The following DOK7 variants were observed in gnomAD, a reference collection of about 807,000 sequenced individuals.
The protein encoded by DOK7 is protein Dok-7.
In DOK7, 32 loss-of-function variants were observed where a neutral mutation model predicts 30.7. That is an observed-to-expected ratio of 1.04 (90% CI 0.79 to 1.40). The LOEUF (loss-of-function observed/expected upper bound fraction) is 1.40, where lower values mean the gene tolerates loss of function less well. Ranked by LOEUF, DOK7 falls within the 40% of genes most tolerant of loss-of-function variation. The probability of loss-of-function intolerance (pLI) is 0.00; values close to 1 mark genes in which losing one functional copy is unlikely to be tolerated. For missense variants in DOK7, 1,007 were observed against 699.2 expected, an observed-to-expected ratio of 1.44 and a Z score of -4.97; for synonymous variants, 447 against 324.1, an observed-to-expected ratio of 1.38 and a Z score of -4.07.
intron 2 of DOK7, among the ~76,000 whole-genome samples, chr4:3,466,835 G>T (rs1726315333): frequency 1.3e-5 from 2 of 152,202 alleles, no homozygotes; most frequent in Non-Finnish European, 1.5e-5. Context: ...GTGGTCTGGG[G>T]GGCCCACCTG....
downstream of DOK7, chr4:3,494,620 C>T (rs1376907107): frequency 2.5e-6 from 2 of 794,616 alleles, no homozygotes; most frequent in Non-Finnish European, 1.5e-6. Flanking sequence ...CCTCATCTGT[C>T]TTGTGAGCCT....
chr4:3,497,676 G>C (rs931857039), downstream of DOK7, among the ~76,000 whole-genome samples: 2 of 152,022 alleles, frequency 1.3e-5, no homozygotes, highest in Non-Finnish European at 2.9e-5. Flanking sequence ...CGGGGTCCAG[G>C]CAGGCCTGGA....
At chr4:3,489,623 G>T in intron 5 of DOK7, 54 bp from the exon 6 acceptor site, 2 of 1,554,256 alleles carry the variant, frequency 1.3e-6, no homozygotes, top group East Asian at 2.4e-5. Flanking sequence ...GTGCCTGCGG[G>T]CGAGGGTGGG....
At chr4:3,475,273 A>G (rs1307434464) in intron 3 of DOK7, among the ~76,000 whole-genome samples, 1 of 152,256 alleles carries the variant, frequency 6.6e-6, no homozygotes, top group Non-Finnish European at 1.5e-5. Flanking sequence ...GCGCAGGGCC[A>G]TGGCACAGAG....
rs1274769066 is a variant in DOK7, at chr4:3,500,299, G to A, written c.1157G>A (p.Arg386His). 2.0e-5 allele frequency: 30 copies of A among 1,535,818 alleles called. 1 individual carries two copies. The highest frequency in any genetic ancestry group is 2.6e-5 in the Non-Finnish European group (30 of 1,146,810). ...GACAGCCCAGGACCAGAGAGGCCGC[G>A]CGGCGAGTCGCCCACTTACGTGAAC... The change falls in exon 7 of 8, where the codon CGC becomes CAC. Residue 386 changes from arginine to histidine, a missense_variant. Coordinates refer to the DOK7 transcript ENST00000643608.
downstream of DOK7, chr4:3,496,796 T>G (rs1299428341): frequency 1.3e-6 from 2 of 1,535,784 alleles, no homozygotes; most frequent in Non-Finnish European, 8.7e-7. Context: ...AAGGATGCAC[T>G]GACCCAGGTT....
chr4:3,494,261 C>T lies in DOK7; in HGVS notation c.*760C>T, dbSNP rs1327663848. The T allele has an allele frequency of 3.0e-6, 3 of 985,420 alleles. No homozygotes were observed. The highest frequency in any genetic ancestry group is 1.7e-5 in the African/African-American group (1 of 57,266). 61.0% of individuals were successfully genotyped at this position (985,420 alleles called of 1,614,324 possible). ...CTCGCAGGGCCAAAGGCTGGCTTGGCCTGTGTTTCCCCTGGCCCAGGCCTC... is the reference window on the plus strand; with the variant it reads ...CTCGCAGGGCCAAAGGCTGGCTTGGTCTGTGTTTCCCCTGGCCCAGGCCTC... On this transcript the variant is annotated 3_prime_UTR_variant, in exon 7 of 7. Coordinates refer to ENST00000340083, the MANE Select transcript of DOK7 (RefSeq NM_173660.5).
At chr4:3,488,105 G>T (rs1051528513) in intron 5 of DOK7, among the ~76,000 whole-genome samples, 2 of 152,270 alleles carry the variant, frequency 1.3e-5, no homozygotes, top group African/African-American at 2.4e-5. Flanking sequence ...CACAGGCAGG[G>T]AGGGGACAGG....
At chr4:3,496,825 G>A (rs926338496), downstream of DOK7, 103 of 1,535,862 alleles carry the variant, frequency 6.7e-5, no homozygotes, top group African/African-American at 9.6e-5. Flanking sequence ...TCTAGGGAGC[G>A]GCAGCCTCAG....
At chr4:3,491,182 TTCCCCCCTGCTCATTCC>T (rs1461065569) in intron 6 of DOK7, among the ~76,000 whole-genome samples, 10 of 24,050 alleles carry the variant, frequency 4.2e-4, no homozygotes, top group African/African-American at 1.4e-3. Flanking sequence ...CATTCATTCC[TTCCCCCCTGCTCATTCC>T]TTCCCCCCTG....
downstream of DOK7, among the ~76,000 whole-genome samples, chr4:3,496,047 T>G (rs910797551): frequency 4.8e-4 from 73 of 152,314 alleles, no homozygotes; most frequent in Non-Finnish European, 3.4e-4. Flanking sequence ...GTGCTGCGCC[T>G]TCTTTCTAGC....
At chr4:3,463,450 C>CGGGGGGGGGGGGGCGGGGGGGGGG in intron 1 of DOK7, 21 bp downstream of exon 1, 1 of 1,229,784 alleles carries the variant, frequency 8.1e-7, no homozygotes, top group Non-Finnish European at 1.0e-6. Context: ...GTCGGGGGCG[C>CGGGGGGGGGGGGGCGGGGGGGGGG]GGGGGGGGGG....
chr4:3,476,569 G>A (rs757138356), intron 4 of DOK7, 27 bp downstream of exon 4: 3 of 1,612,762 alleles, frequency 1.9e-6, no homozygotes, highest in Admixed American at 3.3e-5. Flanking sequence ...GGGGTCACTG[G>A]GCAGCAGCAG....
exon 8 of DOK7, chr4:3,500,969 T>C (rs931610757): frequency 4.5e-6 from 6 of 1,321,094 alleles, no homozygotes; most frequent in African/African-American, 1.5e-5. Context: ...CTCCGGGCCA[T>C]GGTGCAAACA....
In DOK7 at chr4:3,493,289, G is replaced by A. The variant is rs761758084; in HGVS notation, c.1303G>A (p.Gly435Ser). The A allele has an allele frequency of 3.7e-6, 6 of 1,609,102 alleles. No individual in the cohort carries two copies. The highest frequency in any genetic ancestry group is 5.1e-6 in the Non-Finnish European group (6 of 1,178,292). ...CGGCAACAGTGCGGCCAGGGACTCA[G>A]GCGGCCAGACGTCCGCCGGGTGTCC... ...SPGNSAARDS[G>S]GQTSAGCPSG... is the part of the protein sequence containing the mutation. Residue 435 changes from glycine (G) to serine (S), a missense_variant, in exon 7 of 7, where the codon GGC becomes AGC. Coordinates refer to ENST00000340083, the MANE Select transcript of DOK7 (RefSeq NM_173660.5).
downstream of DOK7, chr4:3,496,813 G>A (rs1013227530): frequency 1.2e-4 from 188 of 1,535,970 alleles, no homozygotes; most frequent in Non-Finnish European, 1.6e-4. Context: ...GGTTCTCTTT[G>A]GTCTAGGGAG....
intron 2 of DOK7, among the ~76,000 whole-genome samples, chr4:3,465,484 C>G (rs1164977408): frequency 6.6e-6 from 1 of 152,190 alleles, no homozygotes; most frequent in Non-Finnish European, 1.5e-5. Context: ...GGAAGGGTCC[C>G]GTCTGCTTCC....
At position 3,463,352 on chromosome 4, in the gene DOK7, G is replaced by A. The variant is rs770809231; in HGVS notation, c.-24G>A. ...TGGGCTGGGGCGCCGGGGCGAGCGC[G>A]GCGGCGCGGAACCATGACAGAAGAT... On this transcript the variant is annotated 5_prime_UTR_variant, in exon 1 of 7. Coordinates refer to ENST00000340083, the MANE Select transcript of DOK7 (RefSeq NM_173660.5). 10 of 1,454,146 alleles carry A rather than the reference G, an allele frequency of 6.9e-6. No individual in the cohort carries two copies. The highest frequency in any genetic ancestry group is 5.9e-5 in the African/African-American group (4 of 67,790). 90.1% of individuals were successfully genotyped at this position (1,454,146 alleles called of 1,614,324 possible). A position where few individuals can be genotyped will look rare whatever the true frequency, so the allele number is the denominator to read the frequency against.
At chr4:3,478,771 G>C (rs897476800) in intron 4 of DOK7, among the ~76,000 whole-genome samples, 4 of 152,180 alleles carry the variant, frequency 2.6e-5, no homozygotes, top group Non-Finnish European at 5.9e-5. Flanking sequence ...ACCCATCCCT[G>C]TCCCCAGCAG....
Sources: allele counts gnomAD v4.1 joint callset (sites outside exome capture counted in the v4.1 genomes callset), GRCh38; gene constraint gnomAD v4.1.1; transcripts MANE v1.5; gene names NCBI Gene and HGNC (gene_info 2026-07-23, HGNC 2026-07-21).